Variants in HMCN2 observed in about 807,000 individuals in gnomAD.
HMCN2 encodes the protein hemicentin-2.
HMCN2 carries 325 observed loss-of-function variants against 377.5 expected under a neutral mutation model. The observed-to-expected ratio is 0.86, with a 90% CI of 0.79 to 0.94. HMCN2 has a LOEUF of 0.94. Among genes scored for constraint, HMCN2 ranks in the 40% least tolerant of loss-of-function variants. The pLI is 0.00. For synonymous variants in HMCN2, 2,007 were observed against 2,046.8 expected (o/e 0.98, Z 0.53); for missense variants, 4,543 against 4,725.3 (o/e 0.96, Z 1.13).
intron 86 of HMCN2, chr9:130,419,257 G>C (rs1353001270): frequency 2.2e-6 from 1 of 454,062 alleles, no homozygotes; most frequent in Non-Finnish European, 3.8e-6. Context: ...TCTTGGACAG[G>C]GAACACAGGT....
At chr9:130,269,961 C>T (rs1834328211) in intron 1 of HMCN2, among the ~76,000 whole-genome samples, 1 of 148,060 alleles carries the variant, frequency 6.8e-6, no homozygotes, top group African/African-American at 2.4e-5. Flanking sequence ...CAGATGCGTG[C>T]CACCACGTCC....
chr9:130,301,814 C>T (rs1384013148), intron 8 of HMCN2, among the ~76,000 whole-genome samples: 2 of 152,220 alleles, frequency 1.3e-5, no homozygotes, highest in Non-Finnish European at 2.9e-5. Flanking sequence ...TGAGCCCTTG[C>T]CAGGGGGCAC....
rs1236202943 is a variant in HMCN2, at chr9:130,325,727, G to C, written c.3033+20G>C. 3.3e-5 allele frequency: 5 copies of C among 152,270 alleles called. No homozygotes were observed. The highest frequency in any genetic ancestry group is 1.2e-4 in the African/African-American group (5 of 41,446). 9.4% of individuals were successfully genotyped at this position (152,270 alleles called of 1,614,324 possible). A position where few individuals can be genotyped will look rare whatever the true frequency, so the allele number is the denominator to read the frequency against. ...ACCAAGGTAAGCAGTGCCTGTTACC[G>C]AGAGGATAACTGGAGAGGTAGGCCC... On this transcript the variant is annotated intron_variant, in intron 20 of 97. Transcript: ENST00000683500.
intron 85 of HMCN2, among the ~76,000 whole-genome samples, chr9:130,411,981 A>G (rs1006477568): frequency 6.6e-6 from 1 of 152,168 alleles, no homozygotes; most frequent in Non-Finnish European, 1.5e-5. Flanking sequence ...ATTGTTACTA[A>G]TATTTTTTGA....
At chr9:130,296,547 A>G (rs1588192993) in intron 6 of HMCN2, 127 bp from the exon 7 acceptor site, 1 of 388,520 alleles carries the variant, frequency 2.6e-6, no homozygotes, top group Non-Finnish European at 5.3e-6. Flanking sequence ...TAAGTTGCCC[A>G]TGTGTCTACA....
chr9:130,332,832 C>T (rs1838496877), intron 22 of HMCN2, among the ~76,000 whole-genome samples: 1 of 152,200 alleles, frequency 6.6e-6, no homozygotes, highest in Non-Finnish European at 1.5e-5. Context: ...TTGAGTGTTG[C>T]CTGACTGTGC....
chr9:130,412,844 G>A lies in HMCN2; in HGVS notation c.12961+2192G>A, dbSNP rs544349660. Among the ~76,000 whole-genome samples, 73 of 152,178 alleles carry A rather than the reference G, an allele frequency of 4.8e-4. 2 individuals are homozygous for A. The highest frequency in any genetic ancestry group is 1.7e-3 in the African/African-American group (69 of 41,522). ...CACCTGCCTCGGCCTCCTAAAGTGC[G>A]GATTACAGGCAGGAGCCACTGGGCC... On this transcript the variant is annotated intron_variant, in intron 85 of 97. Coordinates refer to ENST00000683500, the MANE Select transcript of HMCN2 (RefSeq NM_001291815.2).
At chr9:130,392,697 C>G (rs772434273) in intron 66 of HMCN2, among the ~76,000 whole-genome samples, 1 of 152,040 alleles carries the variant, frequency 6.6e-6, no homozygotes, top group African/African-American at 2.4e-5. Context: ...ACCGGGAACC[C>G]AGGTAAAGAG....
chr9:130,429,409 G>A (rs1564888187), intron 93 of HMCN2, 148 bp from the exon 94 acceptor site: 4 of 921,248 alleles, frequency 4.3e-6, no homozygotes, highest in South Asian at 1.7e-5. Flanking sequence ...TGGGGGAGGT[G>A]CTGTGAGGGC....
At chr9:130,388,945 C>A (rs368869403) in intron 62 of HMCN2, among the ~76,000 whole-genome samples, 552 of 152,294 alleles carry the variant, frequency 3.6e-3, no homozygotes, top group Admixed American at 6.2e-3. Context: ...GTTGGTCAAC[C>A]CCATCCCCCA....
At chr9:130,429,306 T>C (rs1012444593) in intron 93 of HMCN2, 1 of 544,314 alleles carries the variant, frequency 1.8e-6, no homozygotes, top group African/African-American at 1.9e-5. Flanking sequence ...TATGGAGAGC[T>C]CAGCGGAACC....
At chr9:130,372,988 G>GC (rs35441437) in intron 47 of HMCN2, 50 bp from the exon 48 acceptor site, 55,940 of 123,412 alleles carry the variant, frequency 0.45, 12,488 homozygotes, top group Middle Eastern at 0.55. Flanking sequence ...GGGCGGGCCA[G>GC]CCCCCCCCCC....
At chr9:130,335,993 G>C (rs1838730092) in intron 22 of HMCN2, among the ~76,000 whole-genome samples, 1 of 152,206 alleles carries the variant, frequency 6.6e-6, no homozygotes, top group Non-Finnish European at 1.5e-5. Flanking sequence ...GGGAGAATCT[G>C]ATGAGAACCC....
rs79591556 is a variant in HMCN2, at chr9:130,361,764, C to G, written c.5951-244C>G. On this transcript the variant is annotated intron_variant, in intron 38 of 97. Coordinates refer to ENST00000683500, the MANE Select transcript of HMCN2 (RefSeq NM_001291815.2). The surrounding 1 kb of genome is among the most constrained non-coding windows in gnomAD (Gnocchi z 4.8). ...CGAGTGCTGCTTCCTGGGTGGTCAG[C>G]CTTGGGCAGGTGACTTCCCCTCTGT... 0.04 allele frequency among the ~76,000 whole-genome samples: 6,058 copies of G among 152,272 alleles called. 167 individuals are homozygous for G. The highest frequency in any genetic ancestry group is 0.095 in the Middle Eastern group (28 of 294).
chr9:130,368,266 C>T lies in HMCN2; in HGVS notation c.6626-10C>T, dbSNP rs545120434. The T allele has an allele frequency of 1.0e-6, 1 of 985,558 alleles. No individual in the cohort carries two copies. The allele number at this position is 985,558 out of a possible 1,614,324, so 61.1% of individuals were successfully genotyped here. Reference sequence around the variant, plus strand: ...CCCTGGACCAGGAGTTTCTTTTTTCCTGCACCCAGGTCAACCCCTCCCCGG... The same window carrying T: ...CCCTGGACCAGGAGTTTCTTTTTTCTTGCACCCAGGTCAACCCCTCCCCGG... On this transcript the variant is annotated splice_polypyrimidine_tract_variant and intron_variant, in intron 43 of 97. Coordinates refer to ENST00000683500, the MANE Select transcript of HMCN2 (RefSeq NM_001291815.2).
chr9:130,296,866 G>T (rs187823027), intron 7 of HMCN2, 72 bp downstream of exon 7: 19 of 457,414 alleles, frequency 4.2e-5, no homozygotes, highest in South Asian at 1.9e-4. Flanking sequence ...TGGGAAGTAG[G>T]GGGGAGGTGT....
At chr9:130,312,330 A>G (rs1204087030) in intron 15 of HMCN2, among the ~76,000 whole-genome samples, 4 of 151,922 alleles carry the variant, frequency 2.6e-5, no homozygotes, top group Non-Finnish European at 5.9e-5. Context: ...GTGAGCTGTG[A>G]TCCAGCTGCT....
intron 56 of HMCN2, among the ~76,000 whole-genome samples, chr9:130,383,298 A>G (rs1462788276): frequency 6.6e-6 from 1 of 151,832 alleles, no homozygotes; most frequent in Admixed American, 6.6e-5. Flanking sequence ...CTGGTTTGCT[A>G]CAGAGAACCA....
intron 44 of HMCN2, among the ~76,000 whole-genome samples, chr9:130,368,931 A>C (rs955207000): frequency 6.6e-6 from 1 of 152,142 alleles, no homozygotes; most frequent in African/African-American, 2.4e-5. Flanking sequence ...GGGTGGGGAC[A>C]CAGCCAAGCC....
Sources: gnomAD v4.1 joint callset for allele counts (sites outside exome capture counted in the v4.1 genomes callset) on GRCh38, gnomAD v4.1.1 for gene constraint, Gnocchi (gnomAD v3.1) non-coding constraint, MANE v1.5 for transcripts, NCBI Gene and HGNC (gene_info 2026-07-23, HGNC 2026-07-21) for gene names.